The following POU2F1 variants were observed in gnomAD, a reference collection of about 807,000 sequenced individuals.
The protein encoded by POU2F1 is POU domain, class 2, transcription factor 1.
POU2F1 carries 16 observed loss-of-function variants against 84.9 expected under a neutral mutation model. The ratio of observed to expected loss-of-function variants is 0.19; its 90% CI spans 0.13 to 0.29. The LOEUF (loss-of-function observed/expected upper bound fraction) is 0.29, where lower values mean the gene tolerates loss of function less well. Ranked by LOEUF, POU2F1 falls within the 10% of genes least tolerant of loss-of-function variation. POU2F1 has a pLI of 1.00. For missense variants in POU2F1, 738 were observed against 942.6 expected, an observed-to-expected ratio of 0.78 and a Z score of 2.84; for synonymous variants, 368 against 368.3, an observed-to-expected ratio of 1.00 and a Z score of 0.01.
At chr1:167,359,010 T>G (rs1363865786) in intron 2 of POU2F1, among the ~76,000 whole-genome samples, 1 of 152,082 alleles carries the variant, frequency 6.6e-6, no homozygotes, top group Non-Finnish European at 1.5e-5. Flanking sequence ...TGTGGAAGTT[T>G]TTTTTAATGG....
chr1:167,360,591 T>C (rs1180729811), intron 2 of POU2F1, among the ~76,000 whole-genome samples: 3 of 152,252 alleles, frequency 2.0e-5, no homozygotes, highest in Non-Finnish European at 4.4e-5. Flanking sequence ...TTTCATTAAG[T>C]AGCCTTGTAG....
intron 1 of POU2F1, among the ~76,000 whole-genome samples, chr1:167,280,855 G>A (rs1653083020): frequency 6.6e-6 from 1 of 152,158 alleles, no homozygotes; most frequent in South Asian, 2.1e-4. Context: ...TTTATTAAGT[G>A]TTTATATGTT....
At chr1:167,391,886 T>A (rs1473404494) in intron 9 of POU2F1, among the ~76,000 whole-genome samples, 1 of 152,148 alleles carries the variant, frequency 6.6e-6, no homozygotes, top group East Asian at 1.9e-4. Flanking sequence ...GGGAATTCAT[T>A]TTTGCTCAAA....
At chr1:167,347,213 T>C (rs1399114158) in intron 2 of POU2F1, among the ~76,000 whole-genome samples, 1 of 152,230 alleles carries the variant, frequency 6.6e-6, no homozygotes, top group Non-Finnish European at 1.5e-5. Flanking sequence ...GTATTTTTCC[T>C]CTTTATTATG....
At chr1:167,411,194 C>A (rs181543491) in intron 13 of POU2F1, among the ~76,000 whole-genome samples, 195 of 152,188 alleles carry the variant, frequency 1.3e-3, no homozygotes, top group African/African-American at 4.6e-3. Flanking sequence ...CGCGTGCCAC[C>A]ACGCCCAGCT....
At chr1:167,225,887 C>G (rs10737533) in intron 1 of POU2F1, among the ~76,000 whole-genome samples, 138,421 of 152,230 alleles carry the variant, frequency 0.91, 63,889 homozygotes, top group East Asian at 1. Context: ...GTCTTTCAAG[C>G]ACCATTAAAA....
chr1:167,249,126 G>T (rs1376476935), intron 1 of POU2F1, among the ~76,000 whole-genome samples: 4 of 152,128 alleles, frequency 2.6e-5, no homozygotes, highest in Admixed American at 1.3e-4. Flanking sequence ...TGAAGCAGTG[G>T]ATCCTATCCA....
intron 8 of POU2F1, among the ~76,000 whole-genome samples, chr1:167,386,199 G>A (rs115382862): frequency 1.3e-5 from 2 of 152,176 alleles, no homozygotes; most frequent in Admixed American, 6.5e-5. Flanking sequence ...TTCTTTTTGG[G>A]GGGGTGAGGG....
At chr1:167,325,741 T>C (rs1341370861) in intron 1 of POU2F1, among the ~76,000 whole-genome samples, 1 of 151,894 alleles carries the variant, frequency 6.6e-6, no homozygotes, top group Non-Finnish European at 1.5e-5. Flanking sequence ...ATACAAAAAT[T>C]AGCCTGACTT....
intron 1 of POU2F1, among the ~76,000 whole-genome samples, chr1:167,304,674 C>T (rs1654935738): frequency 6.6e-6 from 1 of 152,086 alleles, no homozygotes; most frequent in South Asian, 2.1e-4. Context: ...TAATGTAATT[C>T]AAAGATATGA....
Position 167,426,246 on chromosome 1 carries a change from A to G in POU2F1, c.*10436A>G, listed in dbSNP as rs1461296631. ...TATATTTCTGGGATATTAAAAAAAA[A>G]ATGTCGTTTAACTTCTTGTTTGTTT... On this transcript the variant is annotated 3_prime_UTR_variant, in exon 16 of 16. Coordinates refer to ENST00000367866, the MANE Select transcript of POU2F1 (RefSeq NM_002697.4). 7.5e-6 allele frequency: 1 copy of G among 133,562 alleles called. No individual in the cohort carries two copies. Among genetic ancestry groups the G allele is most frequent in the African/African-American group, 2.6e-5 (1 of 37,762 alleles). 8.3% of individuals were successfully genotyped at this position (133,562 alleles called of 1,614,324 possible). A position where few individuals can be genotyped will look rare whatever the true frequency, so the allele number is the denominator to read the frequency against.
At chr1:167,291,362 C>A (rs1403698095) in intron 1 of POU2F1, among the ~76,000 whole-genome samples, 5 of 152,146 alleles carry the variant, frequency 3.3e-5, no homozygotes, top group African/African-American at 1.2e-4. Context: ...GATTCTAAAT[C>A]TAATGATATA....
intron 1 of POU2F1, among the ~76,000 whole-genome samples, chr1:167,313,023 A>G (rs1468045322): frequency 6.6e-6 from 1 of 152,208 alleles, no homozygotes; most frequent in Non-Finnish European, 1.5e-5. Context: ...TTTTGTAAGT[A>G]TGTTCACACA....
chr1:167,365,628 C>A, intron 3 of POU2F1, 61 bp downstream of exon 3: 1 of 1,221,154 alleles, frequency 8.2e-7, no homozygotes, highest in Non-Finnish European at 1.1e-6. Context: ...AGTACTGGGG[C>A]CTGAGGAAGT....
At chr1:167,297,544 C>A (rs1283788155) in intron 1 of POU2F1, among the ~76,000 whole-genome samples, 4 of 152,174 alleles carry the variant, frequency 2.6e-5, no homozygotes, top group African/African-American at 9.7e-5. Flanking sequence ...CAGAAAGGTT[C>A]AGGAGCTCTG....
intron 1 of POU2F1, among the ~76,000 whole-genome samples, chr1:167,265,132 G>T (rs965320080): frequency 1.3e-5 from 2 of 152,186 alleles, no homozygotes; most frequent in African/African-American, 4.8e-5. Flanking sequence ...TTCTCAGGAT[G>T]TGTAATGCTG....
chr1:167,343,643 T>A (rs940181494), intron 2 of POU2F1, among the ~76,000 whole-genome samples: 1 of 5,718 alleles, frequency 1.7e-4, no homozygotes, highest in Non-Finnish European at 2.8e-4. Context: ...TTTTTTTTTT[T>A]TTTTTTTTTT....
At chr1:167,314,479 C>G (rs533840928) in intron 1 of POU2F1, among the ~76,000 whole-genome samples, 2 of 152,086 alleles carry the variant, frequency 1.3e-5, no homozygotes, top group African/African-American at 2.4e-5. Flanking sequence ...CTGACAATTT[C>G]TTAAAAAATG....
At chr1:167,288,252 A>G (rs543824918) in intron 1 of POU2F1, among the ~76,000 whole-genome samples, 1 of 149,824 alleles carries the variant, frequency 6.7e-6, no homozygotes, top group East Asian at 1.9e-4. Context: ...TGCTTGGCTA[A>G]CAGATATATT....
Sources: gnomAD v4.1 joint callset for allele counts (sites outside exome capture counted in the v4.1 genomes callset) on GRCh38, gnomAD v4.1.1 for gene constraint, MANE v1.5 for transcripts, NCBI Gene and HGNC (gene_info 2026-07-23, HGNC 2026-07-21) for gene names.